The following MAN1A2 variants were observed in gnomAD, a reference collection of about 807,000 sequenced individuals.
The protein encoded by MAN1A2 is mannosidase alpha class 1A member 2.
In MAN1A2, 26 loss-of-function variants were observed where a neutral mutation model predicts 75.7. The observed-to-expected ratio is 0.34, with a 90% CI of 0.25 to 0.48. MAN1A2 has a LOEUF of 0.48. MAN1A2 is among the 20% of genes least tolerant of loss of function. MAN1A2 has a pLI of 0.99. For synonymous variants in MAN1A2, 247 were observed against 264.6 expected (o/e 0.93, Z 0.65); for missense variants, 562 against 775.5 (o/e 0.72, Z 3.27).
intron 8 of MAN1A2, 128 bp downstream of exon 8, chr1:117,466,555 T>G: frequency 1.8e-6 from 1 of 558,280 alleles, no homozygotes; most frequent in Non-Finnish European, 3.1e-6. Context: ...GGTCTGCTGG[T>G]GCTGTTCTTA....
At chr1:117,447,718 T>TA (rs1649283339) in intron 6 of MAN1A2, among the ~76,000 whole-genome samples, 1 of 152,204 alleles carries the variant, frequency 6.6e-6, no homozygotes, top group African/African-American at 2.4e-5. Context: ...CCTTTTTATG[T>TA]CCTTTGTTTG....
At position 117,367,468 on chromosome 1, in the gene MAN1A2, A is replaced by AGCGGCGGCGGCC. The variant is rs554724860; in HGVS notation, c.-707_-696dup. 3 of 154,120 alleles carry AGCGGCGGCGGCC rather than the reference A, an allele frequency of 1.9e-5. No homozygotes were observed. The highest frequency in any genetic ancestry group is 2.9e-5 in the Non-Finnish European group (2 of 69,242). The allele number at this position is 154,120 out of a possible 1,614,324, so 9.5% of individuals were successfully genotyped here. On this transcript the variant is annotated 5_prime_UTR_variant, in exon 1 of 13. Coordinates refer to ENST00000356554, the MANE Select transcript of MAN1A2 (RefSeq NM_006699.5). ...CCTGACAGACCCGTGCGGTAGCAACAGCGGCGGCGGCCGCGGCGGCTGGCC... is the reference window on the plus strand; with the variant it reads ...CCTGACAGACCCGTGCGGTAGCAACAGCGGCGGCGGCCGCGGCGGCGGCCGCGGCGGCTGGCC...
chr1:117,385,789 A>G (rs1653503815), intron 1 of MAN1A2, among the ~76,000 whole-genome samples: 1 of 152,172 alleles, frequency 6.6e-6, no homozygotes, highest in Non-Finnish European at 1.5e-5. Flanking sequence ...ATTTATTGGA[A>G]GGTTATTAGG....
intron 3 of MAN1A2, among the ~76,000 whole-genome samples, chr1:117,409,571 C>T (rs1306141380): frequency 6.6e-6 from 1 of 151,968 alleles, no homozygotes; most frequent in Non-Finnish European, 1.5e-5. Context: ...CTATTGATGT[C>T]AGTTAGATCC....
intron 12 of MAN1A2, among the ~76,000 whole-genome samples, chr1:117,512,978 A>C (rs1333629816): frequency 6.6e-6 from 1 of 152,166 alleles, no homozygotes; most frequent in Non-Finnish European, 1.5e-5. Context: ...TCTTTTTAAA[A>C]AAACTTTTAA....
chr1:117,519,518 T>G (rs1386497490), intron 12 of MAN1A2, among the ~76,000 whole-genome samples: 1 of 151,848 alleles, frequency 6.6e-6, no homozygotes, highest in East Asian at 1.9e-4. Flanking sequence ...ACCACTGAAA[T>G]ACAAAAGATC....
chr1:117,470,089 A>G (rs781002821), intron 8 of MAN1A2, among the ~76,000 whole-genome samples: 3 of 152,298 alleles, frequency 2.0e-5, no homozygotes, highest in Admixed American at 6.5e-5. Flanking sequence ...GAATGGGTAA[A>G]CAATATGTGA....
At position 117,461,081 on chromosome 1, in the gene MAN1A2, G is replaced by A. The variant is rs542708052; in HGVS notation, c.1074+469G>A. Among the ~76,000 whole-genome samples, 5 of 152,098 alleles carry A rather than the reference G, an allele frequency of 3.3e-5. No individual in the cohort carries two copies. In the East Asian group the frequency reaches 9.7e-4, roughly 29 times the overall value. On this transcript the variant is annotated intron_variant, in intron 7 of 12. Coordinates refer to ENST00000356554, the MANE Select transcript of MAN1A2 (RefSeq NM_006699.5). Reference sequence around the variant, plus strand: ...TCAATATGGATGTTAAAAATCAGTAGCATTTCTCTACACCAGCTACAAAAG... The same window carrying A: ...TCAATATGGATGTTAAAAATCAGTAACATTTCTCTACACCAGCTACAAAAG...
chr1:117,420,948 G>A (rs1182120193), intron 5 of MAN1A2, among the ~76,000 whole-genome samples: 2 of 151,962 alleles, frequency 1.3e-5, no homozygotes, highest in East Asian at 1.9e-4. Flanking sequence ...AGTAAAGGGG[G>A]AAAATAAACT....
At chr1:117,474,567 T>C (rs1224418986) in intron 8 of MAN1A2, among the ~76,000 whole-genome samples, 4 of 150,966 alleles carry the variant, frequency 2.6e-5, no homozygotes, top group African/African-American at 9.9e-5. Flanking sequence ...TTTAAAAAAT[T>C]TCAGTTTGAG....
At chr1:117,414,442 T>C (rs1314451705) in intron 3 of MAN1A2, among the ~76,000 whole-genome samples, 2 of 151,370 alleles carry the variant, frequency 1.3e-5, no homozygotes, top group East Asian at 3.9e-4. Context: ...CTTTTAGTTT[T>C]CTTTTATCTT....
intron 8 of MAN1A2, among the ~76,000 whole-genome samples, chr1:117,477,147 A>G (rs1010197626): frequency 3.9e-5 from 6 of 151,948 alleles, no homozygotes; most frequent in Non-Finnish European, 5.9e-5. Flanking sequence ...GTAATAGTCT[A>G]TGAACCAAAA....
Position 117,523,510 on chromosome 1 carries a change from C to T in MAN1A2, c.*553C>T. ...TCAAAAAAGAAACAGGAGTACCTAT[C>T]CCTATCTGAATTTTCAAGTTCCCCA... On this transcript the variant is annotated 3_prime_UTR_variant, in exon 13 of 13. Coordinates refer to ENST00000356554, the MANE Select transcript of MAN1A2 (RefSeq NM_006699.5). 5.6e-6 allele frequency: 1 copy of T among 179,124 alleles called. No individual in the cohort carries two copies. The highest frequency in any genetic ancestry group is 9.7e-5 in the South Asian group (1 of 10,332). 11.1% of individuals were successfully genotyped at this position (179,124 alleles called of 1,614,324 possible).
intron 1 of MAN1A2, among the ~76,000 whole-genome samples, chr1:117,374,690 C>G (rs1020130734): frequency 6.6e-6 from 1 of 152,122 alleles, no homozygotes; most frequent in African/African-American, 2.4e-5. Flanking sequence ...ATATGCTATT[C>G]AACTTCTCTG....
intron 4 of MAN1A2, among the ~76,000 whole-genome samples, chr1:117,417,280 G>C (rs1192557837): frequency 2.0e-5 from 3 of 151,418 alleles, no homozygotes; most frequent in Non-Finnish European, 4.4e-5. Context: ...GTATGTATTT[G>C]GGTTTTGTTA....
intron 7 of MAN1A2, among the ~76,000 whole-genome samples, chr1:117,465,453 A>G (rs1042051093): frequency 6.6e-6 from 1 of 152,170 alleles, no homozygotes; most frequent in African/African-American, 2.4e-5. Flanking sequence ...TCCATTCCTA[A>G]AACTACTTAA....
intron 7 of MAN1A2, among the ~76,000 whole-genome samples, chr1:117,464,725 G>A (rs1037503467): frequency 9.2e-5 from 14 of 152,080 alleles, no homozygotes; most frequent in Admixed American, 3.3e-4. Flanking sequence ...TTGCGCCTGC[G>A]AACTTTGGTG....
chr1:117,493,358 ACATT>A, intron 9 of MAN1A2, 96 bp downstream of exon 9: 2 of 656,592 alleles, frequency 3.0e-6, no homozygotes, highest in South Asian at 4.4e-5. Context: ...TTTATTATAG[ACATT>A]CAGTAAATAC....
chr1:117,443,958 A>G (rs982620194), intron 6 of MAN1A2, among the ~76,000 whole-genome samples: 14 of 151,790 alleles, frequency 9.2e-5, no homozygotes, highest in African/African-American at 3.4e-4. Flanking sequence ...CATTTCCCAC[A>G]CATAGGCCTT....
Sources: gnomAD v4.1 joint callset for allele counts (sites outside exome capture counted in the v4.1 genomes callset) on GRCh38, gnomAD v4.1.1 for gene constraint, MANE v1.5 for transcripts, NCBI Gene and HGNC (gene_info 2026-07-23, HGNC 2026-07-21) for gene names.